The following DGKB variants were observed in gnomAD, a reference collection of about 807,000 sequenced individuals.
The protein encoded by DGKB is diacylglycerol kinase beta.
Under a neutral mutation model 114.3 loss-of-function variants are expected in DGKB, and 67 were observed. The ratio of observed to expected loss-of-function variants is 0.59; its 90% CI spans 0.48 to 0.72. The LOEUF (loss-of-function observed/expected upper bound fraction) is 0.72. DGKB is among the 30% of genes least tolerant of loss of function. DGKB has a pLI of 0.00. For missense variants in DGKB, 907 were observed against 975.2 expected (o/e 0.93, Z 0.93); for synonymous variants, 398 against 323.1 (o/e 1.23, Z -2.49).
intron 23 of DGKB, among the ~76,000 whole-genome samples, chr7:14,193,977 T>C (rs1784677785): frequency 6.6e-6 from 1 of 152,114 alleles, no homozygotes; most frequent in Admixed American, 6.5e-5. Context: ...AAAGGAAATG[T>C]AAATGAAAAC....
At chr7:14,411,466 T>A (rs1406750623) in intron 21 of DGKB, among the ~76,000 whole-genome samples, 2 of 152,192 alleles carry the variant, frequency 1.3e-5, no homozygotes, top group African/African-American at 4.8e-5. Context: ...CTCTGGAGAA[T>A]GTCTGACAAC....
chr7:14,270,094 C>T (rs12672825), intron 23 of DGKB, among the ~76,000 whole-genome samples: 16,774 of 141,762 alleles, frequency 0.12, 998 homozygotes, highest in Middle Eastern at 0.18. Flanking sequence ...TTCCTGAATG[C>T]ACTTCACGAT....
intron 18 of DGKB, 145 bp downstream of exon 18, chr7:14,582,907 T>C: frequency 1.5e-6 from 1 of 659,552 alleles, no homozygotes; most frequent in East Asian, 2.9e-5. Context: ...TACAGAATAA[T>C]AAGTTAAACC....
At chr7:14,878,275 T>G (rs1853617225) in intron 1 of DGKB, among the ~76,000 whole-genome samples, 1 of 152,146 alleles carries the variant, frequency 6.6e-6, no homozygotes. Context: ...AAATGTAGAG[T>G]AAAATTTTTA....
chr7:14,226,878 A>G lies in DGKB; in HGVS notation c.2123-48727T>C, dbSNP rs559022419. Among the ~76,000 whole-genome samples, 7 of 152,142 alleles carry G rather than the reference A, an allele frequency of 4.6e-5. No individual in the cohort carries two copies. The South Asian group carries it at 1.4e-3, about 31-fold the overall frequency. ...TAAATTACATAATTTTAAAGCTAGT[A>G]GTTTACAAGTCATGTGGTTAAAAAA... On this transcript the variant is annotated intron_variant, in intron 23 of 25. Coordinates refer to ENST00000402815, the MANE Select transcript of DGKB (RefSeq NM_001350709.2).
At chr7:14,370,371 C>T (rs10270196) in intron 21 of DGKB, among the ~76,000 whole-genome samples, 458 of 152,152 alleles carry the variant, frequency 3.0e-3, no homozygotes, top group African/African-American at 0.011. Context: ...ATGCCTCTAG[C>T]TTTGTTATTT....
At chr7:14,659,902 G>A (rs541605163) in intron 13 of DGKB, among the ~76,000 whole-genome samples, 256 of 151,962 alleles carry the variant, frequency 1.7e-3, no homozygotes, top group African/African-American at 5.4e-3. Flanking sequence ...TTTGAAATAC[G>A]TCCCATCAAT....
At chr7:14,896,487 TA>T (rs1223353905) in intron 1 of DGKB, among the ~76,000 whole-genome samples, 1 of 151,558 alleles carries the variant, frequency 6.6e-6, no homozygotes, top group Non-Finnish European at 1.5e-5. Context: ...TTTATTAATA[TA>T]AAACTAAGGA....
intron 23 of DGKB, among the ~76,000 whole-genome samples, chr7:14,208,698 C>G (rs2081923516): frequency 2.0e-5 from 3 of 151,926 alleles, no homozygotes. Context: ...TGGTTCCATT[C>G]TTCATTTTTC....
At chr7:14,201,290 C>G (rs370715488) in intron 23 of DGKB, among the ~76,000 whole-genome samples, 2 of 152,052 alleles carry the variant, frequency 1.3e-5, no homozygotes, top group East Asian at 1.9e-4. Flanking sequence ...TCCCAAAGGT[C>G]TCACTCCTAG....
chr7:14,856,284 A>T (rs145646297), intron 1 of DGKB, among the ~76,000 whole-genome samples: 3 of 152,272 alleles, frequency 2.0e-5, no homozygotes, highest in East Asian at 1.9e-4. Context: ...AAACACAAAG[A>T]TCCTGAACTA....
chr7:14,856,473 G>A (rs151059901), intron 1 of DGKB, among the ~76,000 whole-genome samples: 65 of 152,120 alleles, frequency 4.3e-4, no homozygotes, highest in African/African-American at 1.5e-3. Flanking sequence ...TTTACTGAAT[G>A]TGAAATATAT....
At chr7:14,849,792 C>A (rs1411575638) in intron 1 of DGKB, among the ~76,000 whole-genome samples, 1 of 152,106 alleles carries the variant, frequency 6.6e-6, no homozygotes, top group African/African-American at 2.4e-5. Context: ...CACAGACCAC[C>A]ACTGATCAGT....
At chr7:14,604,192 GGA>G (rs1804057621) in intron 17 of DGKB, among the ~76,000 whole-genome samples, 1 of 151,986 alleles carries the variant, frequency 6.6e-6, no homozygotes, top group African/African-American at 2.4e-5. Context: ...AGAATAATCA[GGA>G]TCAGGGAGAG....
chr7:14,323,410 A>G (rs1441100165), intron 23 of DGKB, among the ~76,000 whole-genome samples: 2 of 152,186 alleles, frequency 1.3e-5, no homozygotes, highest in Non-Finnish European at 1.5e-5. Context: ...TTTTCTGCAC[A>G]TATGTTGTAG....
rs60976022 is a variant in DGKB, at chr7:14,485,300, G to GGTGTGT, written c.1771-7081_1771-7076dup. Among the ~76,000 whole-genome samples the GGTGTGT allele has an allele frequency of 3.5e-3, 494 of 141,974 alleles. 2 individuals carry two copies. The highest frequency in any genetic ancestry group is 0.025 in the East Asian group (112 of 4,516). 93.1% of individuals were successfully genotyped at this position (141,974 alleles called of 152,430 possible). A position where few individuals can be genotyped will look rare whatever the true frequency, so the allele number is the denominator to read the frequency against. On this transcript the variant is annotated intron_variant, in intron 20 of 25. Coordinates refer to ENST00000402815, the MANE Select transcript of DGKB (RefSeq NM_001350709.2). ...TGTCTTTTAGAACTAATGCTCATGA[G>GGTGTGT]GTGTGTGTGTGTGTGTGTGTGTGTG...
rs1373008585 is a variant in DGKB at position 14,718,758 on chromosome 7, T to C, written c.323-73A>G. 4 of 1,127,800 alleles carry C rather than the reference T, an allele frequency of 3.5e-6. No individual in the cohort carries two copies. The African/African-American group carries it at 6.3e-5, about 18-fold the overall frequency. The allele number at this position is 1,127,800 out of a possible 1,614,324, so 69.9% of individuals were successfully genotyped here. On this transcript the variant is annotated intron_variant, in intron 5 of 25. Transcript: ENST00000402815. ...TCAAACAGAAAACAAATTAAGAAAA[T>C]AGAGAACACACAGGCTACATAGAAA...
intron 23 of DGKB, among the ~76,000 whole-genome samples, chr7:14,283,316 G>A (rs1392744625): frequency 1.3e-5 from 2 of 151,150 alleles, no homozygotes; most frequent in Non-Finnish European, 2.9e-5. Flanking sequence ...GGGATGTGAA[G>A]GACCTCTTCA....
intron 21 of DGKB, among the ~76,000 whole-genome samples, chr7:14,451,240 A>T (rs556403531): frequency 6.6e-6 from 1 of 152,230 alleles, no homozygotes; most frequent in South Asian, 2.1e-4. Context: ...AGAGTAAAGC[A>T]GATTGCCCTT....
Sources: allele counts gnomAD v4.1 joint callset (sites outside exome capture counted in the v4.1 genomes callset), GRCh38; gene constraint gnomAD v4.1.1; transcripts MANE v1.5; gene names NCBI Gene and HGNC (gene_info 2026-07-23, HGNC 2026-07-21).